SHCBP1: variants seen among roughly 807,000 people sequenced by gnomAD.
SHCBP1 encodes the protein SHC binding and spindle associated 1, also known as SHC SH2 domain-binding protein 1.
Under a neutral mutation model 75.1 loss-of-function variants are expected in SHCBP1, and 60 were observed. The ratio of observed to expected loss-of-function variants is 0.80; its 90% CI spans 0.65 to 0.99. The LOEUF is 0.99. Ranked by LOEUF, SHCBP1 falls within the 50% of genes least tolerant of loss-of-function variation. The pLI is 0.00. For synonymous variants in SHCBP1, 290 were observed against 293.2 expected (o/e 0.99, Z 0.11); for missense variants, 709 against 809.4 (o/e 0.88, Z 1.50).
At chr16:46,605,704 G>A (rs1478183705) in intron 5 of SHCBP1, among the ~76,000 whole-genome samples, 2 of 152,114 alleles carry the variant, frequency 1.3e-5, no homozygotes, top group Non-Finnish European at 2.9e-5. Flanking sequence ...ATGCTAATGT[G>A]TAGCCAAGAG....
intron 7 of SHCBP1, 31 bp downstream of exon 7, chr16:46,603,944 A>C (rs758943228): frequency 1.3e-6 from 2 of 1,574,616 alleles, no homozygotes; most frequent in African/African-American, 2.8e-5. Context: ...AAGGAAAAAA[A>C]GCCACCTGGA....
In SHCBP1 at chr16:46,599,816, C is replaced by T; in HGVS notation, c.1345+15G>A. The T allele has an allele frequency of 6.3e-7, 1 of 1,584,522 alleles. No individual in the cohort carries two copies. The highest frequency in any genetic ancestry group is 8.6e-7 in the Non-Finnish European group (1 of 1,169,008). On this transcript the variant is annotated intron_variant, in intron 9 of 12. Transcript: ENST00000303383. ...ATCTTAGAACAAATGATATACCAAA[C>T]ATTCAGATACTTACTTAAGATTCCC...
intron 10 of SHCBP1, among the ~76,000 whole-genome samples, chr16:46,585,144 C>T (rs775572588): frequency 2.0e-5 from 3 of 152,078 alleles, no homozygotes; most frequent in Non-Finnish European, 4.4e-5. Flanking sequence ...AAATATCAAA[C>T]TGTCAGGAAT....
At chr16:46,588,021 A>G (rs1427012812) in intron 10 of SHCBP1, among the ~76,000 whole-genome samples, 1 of 152,020 alleles carries the variant, frequency 6.6e-6, no homozygotes, top group African/African-American at 2.4e-5. Flanking sequence ...CACTCAAAAC[A>G]AAACTGCTCC....
At chr16:46,615,133 G>GT (rs1288602450) in intron 4 of SHCBP1, among the ~76,000 whole-genome samples, 4 of 152,150 alleles carry the variant, frequency 2.6e-5, no homozygotes, top group African/African-American at 9.7e-5. Context: ...CACTTAATGA[G>GT]TAGTAAATAC....
chr16:46,584,739 T>C (rs947804184), intron 10 of SHCBP1, among the ~76,000 whole-genome samples: 9 of 152,122 alleles, frequency 5.9e-5, no homozygotes, highest in African/African-American at 2.2e-4. Context: ...ATAAAAATAG[T>C]AAGAATTTCT....
intron 1 of SHCBP1, chr16:46,620,952 T>C: frequency 2.9e-6 from 1 of 346,902 alleles, no homozygotes; most frequent in Non-Finnish European, 5.2e-6. Flanking sequence ...AAATGCACAG[T>C]TCCCGCAAAA....
rs141549260 is a variant in SHCBP1, at chr16:46,581,793, A to G, written c.1955T>C (p.Val652Ala). ...DDNLMSQEMFVGIVGNQFKWN... is the reference protein window; with the variant it reads ...DDNLMSQEMFAGIVGNQFKWN... ...CTTGAACTGGTTCCCCACAATCCCA[A>G]CAAACATCTCCTGTGACATTAAGTT... Residue 652 changes from valine to alanine, a missense_variant, in exon 13 of 13, where the codon GTT becomes GCT. Physicochemically the swap from Val to Ala is moderately conservative, Grantham distance 64. Transcript: ENST00000303383. The G allele has an allele frequency of 1.0e-3, 1,660 of 1,614,070 alleles. 6 individuals are homozygous for G. Among genetic ancestry groups the G allele is most frequent in the Non-Finnish European group, 1.3e-3 (1,547 of 1,180,040 alleles).
chr16:46,600,112 C>T (rs1965210054), intron 8 of SHCBP1, 150 bp from the exon 9 acceptor site: 3 of 900,156 alleles, frequency 3.3e-6, no homozygotes, highest in African/African-American at 3.5e-5. Flanking sequence ...TATCTCCCCA[C>T]ATATCCTGTT....
intron 8 of SHCBP1, 127 bp downstream of exon 8, chr16:46,603,412 T>C: frequency 7.4e-7 from 1 of 1,352,342 alleles, no homozygotes; most frequent in Non-Finnish European, 1.0e-6. Flanking sequence ...CCTTAATGTT[T>C]CAAGGCAGCT....
chr16:46,602,857 C>T (rs1471117761), intron 8 of SHCBP1, among the ~76,000 whole-genome samples: 2 of 152,230 alleles, frequency 1.3e-5, no homozygotes, highest in Non-Finnish European at 2.9e-5. Context: ...TCTCAAACTC[C>T]TGGCCTCAAG....
chr16:46,597,659 T>G (rs1965164260), intron 9 of SHCBP1, among the ~76,000 whole-genome samples: 3 of 152,218 alleles, frequency 2.0e-5, no homozygotes, highest in Admixed American at 6.5e-5. Context: ...GAATGGTGTT[T>G]GCTGAAGGTT....
At position 46,604,070 on chromosome 16, in the gene SHCBP1, G is replaced by A. The variant is rs1965286713; in HGVS notation, c.997C>T (p.His333Tyr). 1 of 1,614,050 alleles carries A rather than the reference G, an allele frequency of 6.2e-7. No homozygotes were observed. The highest frequency in any genetic ancestry group is 8.5e-7 in the Non-Finnish European group (1 of 1,180,002). ...GCCATCATGGTGGAGGAGACCACATGAGTGATCTTCTGACCGCTGGAACGG... is the reference window on the plus strand; with the variant it reads ...GCCATCATGGTGGAGGAGACCACATAAGTGATCTTCTGACCGCTGGAACGG... ...GVRSSGQKIT[H>Y]VVSSTMMAGL... Residue 333 changes from histidine to tyrosine, a missense_variant, in exon 7 of 13, where the codon CAT becomes TAT. Transcript: ENST00000303383.
At chr16:46,590,138 T>C (rs186312307) in intron 10 of SHCBP1, among the ~76,000 whole-genome samples, 29 of 152,306 alleles carry the variant, frequency 1.9e-4, no homozygotes, top group African/African-American at 6.0e-4. Context: ...TGAAACTGGA[T>C]CCCTTCCTTA....
At position 46,608,304 on chromosome 16, in the gene SHCBP1, A is replaced by G; in HGVS notation, c.682T>C (p.Leu228=). The G allele has an allele frequency of 6.2e-7, 1 of 1,610,156 alleles. No homozygotes were observed. Among genetic ancestry groups the G allele is most frequent in the Non-Finnish European group, 8.5e-7 (1 of 1,176,578 alleles). The part of the protein sequence containing the change: ...DYFVRCVEPR[L]RLHYDILEDR... ...TCAGCAATAAATACTTACAATCTTA[A>G]TCGAGGTTCAACACATCTGACAAAA... The change falls in exon 5 of 13, where the codon TTA becomes CTA. Residue 228 remains leucine, a synonymous_variant. Transcript: ENST00000303383.
intron 5 of SHCBP1, among the ~76,000 whole-genome samples, chr16:46,607,354 A>G (rs1965341703): frequency 6.6e-6 from 1 of 152,156 alleles, no homozygotes; most frequent in Non-Finnish European, 1.5e-5. Context: ...AGCTTGTCTC[A>G]AAAAAGTTGT....
rs201179554 is a variant in SHCBP1 at position 46,605,741 on chromosome 16, G to GT, written c.690-1281dup. Among the ~76,000 whole-genome samples, 1,074 of 151,228 alleles carry GT rather than the reference G, an allele frequency of 7.1e-3. 5 individuals are homozygous for GT. The highest frequency in any genetic ancestry group is 0.014 in the Middle Eastern group (4 of 292). On this transcript the variant is annotated intron_variant, in intron 5 of 12. Coordinates refer to ENST00000303383, the MANE Select transcript of SHCBP1 (RefSeq NM_024745.5). ...GAGAACGATTGCCTTAAATGATGTT[G>GT]TTTTTTTTTAATTTAGTCATGCTCT...
intron 10 of SHCBP1, among the ~76,000 whole-genome samples, chr16:46,592,912 G>GA (rs1965068318): frequency 1.1e-4 from 2 of 19,040 alleles, no homozygotes; most frequent in Non-Finnish European, 1.1e-4. Flanking sequence ...AAGGAACTCA[G>GA]AAAAAAAGAA....
At chr16:46,604,877 C>T (rs1965301620) in intron 5 of SHCBP1, among the ~76,000 whole-genome samples, 1 of 152,116 alleles carries the variant, frequency 6.6e-6, no homozygotes, top group African/African-American at 2.4e-5. Context: ...AATTGTTTCA[C>T]AACAATGTTT....
Sources: allele counts gnomAD v4.1 joint callset (sites outside exome capture counted in the v4.1 genomes callset), GRCh38; gene constraint gnomAD v4.1.1; transcripts MANE v1.5; gene names NCBI Gene and HGNC (gene_info 2026-07-23, HGNC 2026-07-21).